SECISBP2: variants seen among roughly 807,000 people sequenced by gnomAD.
SECISBP2 encodes SECIS binding protein 2, also known as selenocysteine insertion sequence-binding protein 2.
In SECISBP2, 96 loss-of-function variants were observed where a neutral mutation model predicts 98.2. The observed-to-expected ratio is 0.98, with a 90% CI of 0.83 to 1.16. The LOEUF (loss-of-function observed/expected upper bound fraction) is 1.16, where lower values mean the gene tolerates loss of function less well. SECISBP2 is among the 50% of genes most tolerant of loss of function. The pLI, the probability that SECISBP2 is intolerant of heterozygous loss-of-function variation, is 0.00. For synonymous variants in SECISBP2, 407 were observed against 370.2 expected (o/e 1.10, Z -1.14); for missense variants, 1,046 against 1,022.9 (o/e 1.02, Z -0.31).
In SECISBP2 at chr9:89,327,671, T is replaced by G. The variant is rs554815788; in HGVS notation, c.575-989T>G. Reference sequence around the variant, plus strand: ...TATCACTGTCTTCCACCTCCACATATTGTCCCACTGGAAGGTCTTCAGGGA... The same window carrying G: ...TATCACTGTCTTCCACCTCCACATAGTGTCCCACTGGAAGGTCTTCAGGGA... On this transcript the variant is annotated intron_variant, in intron 4 of 16. Transcript: ENST00000375807. Among the ~76,000 whole-genome samples, 6 of 152,342 alleles carry G rather than the reference T, an allele frequency of 3.9e-5. No homozygotes were observed. In the East Asian group the frequency reaches 1.2e-3, roughly 29 times the overall value.
intron 10 of SECISBP2, among the ~76,000 whole-genome samples, chr9:89,343,158 A>G (rs2131864440): frequency 6.6e-6 from 1 of 152,306 alleles, no homozygotes; most frequent in Non-Finnish European, 1.5e-5. Context: ...AGTGTTGAGT[A>G]GTGCTGATGT....
At chr9:89,340,969 T>G (rs1829565840) in intron 9 of SECISBP2, among the ~76,000 whole-genome samples, 1 of 152,026 alleles carries the variant, frequency 6.6e-6, no homozygotes, top group Non-Finnish European at 1.5e-5. Context: ...CGGAGGCATT[T>G]GGAGAGAGAA....
At chr9:89,325,717 G>A in intron 3 of SECISBP2, 41 bp downstream of exon 3, 1 of 1,613,404 alleles carries the variant, frequency 6.2e-7, no homozygotes, top group Non-Finnish European at 8.5e-7. Flanking sequence ...TTAGTTGGTT[G>A]CTTTAATGTT....
chr9:89,350,059 A>G (rs757252659), intron 13 of SECISBP2, 130 bp downstream of exon 13: 7 of 1,096,572 alleles, frequency 6.4e-6, no homozygotes, highest in Non-Finnish European at 8.1e-6. Flanking sequence ...GGTTGAAAGA[A>G]GCTGGGTACC....
At chr9:89,325,725 GT>G in intron 3 of SECISBP2, 49 bp downstream of exon 3, 1 of 1,612,610 alleles carries the variant, frequency 6.2e-7, no homozygotes, top group Non-Finnish European at 8.5e-7. Context: ...TTGCTTTAAT[GT>G]TTAAAATGTA....
chr9:89,357,598 C>T (rs771564589), intron 15 of SECISBP2, 33 bp downstream of exon 15: 3 of 1,611,834 alleles, frequency 1.9e-6, no homozygotes, highest in African/African-American at 1.3e-5. Context: ...TCTTCAGTCA[C>T]TGCCCGTGGG....
intron 2 of SECISBP2, chr9:89,323,642 T>C (rs970537641): frequency 1.3e-5 from 2 of 152,264 alleles, no homozygotes; most frequent in Non-Finnish European, 2.9e-5. Flanking sequence ...ATGGGGTAGC[T>C]TAGGACAGTG....
At position 89,325,531 on chromosome 9, in the gene SECISBP2, C is replaced by G; in HGVS notation, c.287C>G (p.Thr96Ser). The G allele has an allele frequency of 1.9e-6, 3 of 1,613,818 alleles. No homozygotes were observed. Among genetic ancestry groups the G allele is most frequent in the Non-Finnish European group, 2.5e-6 (3 of 1,179,966 alleles). Reference protein sequence around the residue: ...TLHPYAYSPYTLDSTQNVYSV... With the variant: ...TLHPYAYSPYSLDSTQNVYSV... ...CATCCATATGCCTATTCTCCTTATA[C>G]CCTTGACTCCACACAGAATGTTTAC... Residue 96 changes from threonine (T) to serine (S), a missense_variant, in exon 3 of 17, where the codon ACC becomes AGC. By Grantham distance (58) the Thr-to-Ser change is moderately conservative. Transcript: ENST00000375807.
At chr9:89,346,098 A>G (rs1284430531) in intron 10 of SECISBP2, among the ~76,000 whole-genome samples, 1 of 152,206 alleles carries the variant, frequency 6.6e-6, no homozygotes, top group African/African-American at 2.4e-5. Flanking sequence ...AGAAATATTG[A>G]TGATTGTTGA....
At chr9:89,343,672 C>T (rs1489131420) in intron 10 of SECISBP2, among the ~76,000 whole-genome samples, 1 of 152,224 alleles carries the variant, frequency 6.6e-6, no homozygotes, top group African/African-American at 2.4e-5. Context: ...GACGTGGTCT[C>T]ATTCTCTTTT....
Position 89,348,095 on chromosome 9 carries a change from G to A in SECISBP2, c.1619G>A (p.Arg540Gln), listed in dbSNP as rs119461976. ...TSLKKIILKERQERKQRLQEN... is the reference protein window; with the variant it reads ...TSLKKIILKEQQERKQRLQEN... ...ATTTTTAAGATTATTTTGAAAGAAC[G>A]GCAAGAGAGAAAGCAGCGTCTCCAA... The change falls in exon 12 of 17, where the codon CGG (arginine) becomes CAG (glutamine). Residue 540 changes from arginine (R) to glutamine (Q), a missense_variant. Physicochemically the swap from Arg to Gln is conservative, Grantham distance 43 (BLOSUM62 1). Transcript: ENST00000375807. The A allele has an allele frequency of 1.9e-5, 30 of 1,613,232 alleles. No homozygotes were observed. The highest frequency in any genetic ancestry group is 2.4e-5 in the Non-Finnish European group (28 of 1,179,314).
At chr9:89,362,802 C>G (rs1032846192), downstream of SECISBP2, among the ~76,000 whole-genome samples, 1 of 150,946 alleles carries the variant, frequency 6.6e-6, no homozygotes, top group African/African-American at 2.4e-5. Flanking sequence ...CATTTGAGTG[C>G]TGCAGACCCC....
intron 6 of SECISBP2, among the ~76,000 whole-genome samples, chr9:89,333,691 G>A (rs1358307829): frequency 1.3e-5 from 2 of 152,228 alleles, no homozygotes; most frequent in African/African-American, 2.4e-5. Context: ...CTGCCACACT[G>A]TAAGGACTGC....
chr9:89,343,284 T>G (rs1829926400), intron 10 of SECISBP2, among the ~76,000 whole-genome samples: 1 of 152,246 alleles, frequency 6.6e-6, no homozygotes, highest in African/African-American at 2.4e-5. Context: ...ATATGTTTCT[T>G]CCTTTTGAAG....
Position 89,348,223 on chromosome 9 carries a change from T to C in SECISBP2, c.1738+9T>C. On this transcript the variant is annotated intron_variant, in intron 12 of 16. Coordinates refer to ENST00000375807, the MANE Select transcript of SECISBP2 (RefSeq NM_024077.5). ...GCAGGCAGAGCTGTCAGGTACCAACTTCTCTTTGTGCCTTAAGAATAATTT... is the reference window on the plus strand; with the variant it reads ...GCAGGCAGAGCTGTCAGGTACCAACCTCTCTTTGTGCCTTAAGAATAATTT... The C allele has an allele frequency of 6.2e-7, 1 of 1,613,934 alleles. No homozygotes were observed. Among genetic ancestry groups the C allele is most frequent in the Non-Finnish European group, 8.5e-7 (1 of 1,179,978 alleles).
At chr9:89,338,084 T>C (rs1448031209) in intron 7 of SECISBP2, among the ~76,000 whole-genome samples, 1 of 152,040 alleles carries the variant, frequency 6.6e-6, no homozygotes, top group Non-Finnish European at 1.5e-5. Flanking sequence ...TGCAGACAGG[T>C]GTGATGTGCA....
downstream of SECISBP2, among the ~76,000 whole-genome samples, chr9:89,360,227 C>G (rs1832659711): frequency 1.3e-5 from 2 of 152,160 alleles, no homozygotes; most frequent in South Asian, 4.1e-4. Flanking sequence ...AAGTCATCTC[C>G]ACCCATTTAT....
At chr9:89,319,250 G>C (rs1825262683) in intron 1 of SECISBP2, among the ~76,000 whole-genome samples, 1 of 152,178 alleles carries the variant, frequency 6.6e-6, no homozygotes, top group Admixed American at 6.5e-5. Context: ...AAATGTAATG[G>C]AAATAAACGT....
intron 7 of SECISBP2, among the ~76,000 whole-genome samples, chr9:89,336,453 T>A (rs1424397401): frequency 6.6e-6 from 1 of 152,162 alleles, no homozygotes; most frequent in Non-Finnish European, 1.5e-5. Flanking sequence ...TAGCTTGAAA[T>A]GTGGCCTTGT....
Sources: allele counts gnomAD v4.1 joint callset (sites outside exome capture counted in the v4.1 genomes callset), GRCh38; gene constraint gnomAD v4.1.1; transcripts MANE v1.5; gene names NCBI Gene and HGNC (gene_info 2026-07-23, HGNC 2026-07-21).